Variants in TMEM204 observed in about 807,000 individuals in gnomAD.
The protein encoded by TMEM204 is transmembrane protein 204.
Under a neutral mutation model 19.4 loss-of-function variants are expected in TMEM204, and 15 were observed. The observed-to-expected ratio is 0.77, with a 90% CI of 0.52 to 1.19. TMEM204 has a LOEUF of 1.19. Ranked by LOEUF, TMEM204 falls within the 50% of genes most tolerant of loss-of-function variation. The pLI is 0.00. For missense variants in TMEM204, 287 were observed against 321.2 expected, an observed-to-expected ratio of 0.89 and a Z score of 0.81; for synonymous variants, 161 against 146.0, an observed-to-expected ratio of 1.10 and a Z score of -0.74.
chr16:1,532,993 C>G (rs1054560311), upstream of TMEM204: 2 of 152,526 alleles, frequency 1.3e-5, no homozygotes, highest in East Asian at 3.8e-4. Flanking sequence ...GAGAGCCCCA[C>G]CCAGCACATC....
chr16:1,541,480 C>T lies in TMEM204; in HGVS notation c.281-441C>T, dbSNP rs910007270. 2.0e-5 allele frequency: 20 copies of T among 985,296 alleles called. No homozygotes were observed. In the South Asian group the frequency reaches 6.1e-4, roughly 30 times the overall value. The allele number at this position is 985,296 out of a possible 1,614,324, so 61.0% of individuals were successfully genotyped here. A position where few individuals can be genotyped will look rare whatever the true frequency, so the allele number is the denominator to read the frequency against. On this transcript the variant is annotated intron_variant, in intron 1 of 2. Transcript: ENST00000566264. ...CAGCACGCCTGAGGAGCTGGCCCCCCGCGGAGTCTCCGGTCAGGCAGCGCC... is the reference window on the plus strand; with the variant it reads ...CAGCACGCCTGAGGAGCTGGCCCCCTGCGGAGTCTCCGGTCAGGCAGCGCC...
At chr16:1,529,561 C>T (rs1222370181), upstream of TMEM204, among the ~76,000 whole-genome samples, 1 of 152,216 alleles carries the variant, frequency 6.6e-6, no homozygotes, top group Non-Finnish European at 1.5e-5. Flanking sequence ...ACTCTTGCCA[C>T]CAACTCAGCA....
chr16:1,548,719 C>T (rs145629086), intron 2 of TMEM204, among the ~76,000 whole-genome samples: 1 of 152,184 alleles, frequency 6.6e-6, no homozygotes, highest in Non-Finnish European at 1.5e-5. Flanking sequence ...CCATCTCCCC[C>T]ACGTAGGGAA....
Position 1,554,635 on chromosome 16 carries a change from G to A in TMEM204, c.437-147G>A, listed in dbSNP as rs1647208529. On this transcript the variant is annotated intron_variant, in intron 2 of 2. Coordinates refer to ENST00000566264, the MANE Select transcript of TMEM204 (RefSeq NM_024600.6). ...CGCTCTAGGACAGAGGGCTGGGGAA[G>A]GATAAAGCAGGCTGGAACCCGCTCT... 8 of 1,245,096 alleles carry A rather than the reference G, an allele frequency of 6.4e-6. No homozygotes were observed. The Admixed American group carries it at 1.8e-4, about 29-fold the overall frequency. The allele number at this position is 1,245,096 out of a possible 1,614,324, so 77.1% of individuals were successfully genotyped here.
In TMEM204 at chr16:1,553,296, CTCTCTGTG is replaced by C. The variant is rs1462056763; in HGVS notation, c.437-1478_437-1471del. 1 of 983,444 alleles carries C rather than the reference CTCTCTGTG, an allele frequency of 1.0e-6. No individual in the cohort carries two copies. Among genetic ancestry groups the C allele is most frequent in the Non-Finnish European group, 1.2e-6 (1 of 828,358 alleles). The allele number at this position is 983,444 out of a possible 1,614,324, so 60.9% of individuals were successfully genotyped here. A position where few individuals can be genotyped will look rare whatever the true frequency, so the allele number is the denominator to read the frequency against. ...TCTGTCTCTCTGTGTCTCTGCCTGT[CTCTCTGTG>C]TCTCTGTCTCTGTGTCTCTGTCCCT... On this transcript the variant is annotated intron_variant, in intron 2 of 2. Transcript: ENST00000566264. This position sits in a 1 kb window ranked among gnomAD's most constrained non-coding sequence, Gnocchi z 4.4.
chr16:1,541,287 G>T, intron 1 of TMEM204: 2 of 985,042 alleles, frequency 2.0e-6, no homozygotes, highest in Non-Finnish European at 2.4e-6. Context: ...GGTGAGGGGG[G>T]CAGGTGGGGG....
intron 2 of TMEM204, among the ~76,000 whole-genome samples, chr16:1,548,368 GC>G (rs1426339726): frequency 6.6e-6 from 1 of 152,216 alleles, no homozygotes; most frequent in African/African-American, 2.4e-5. Flanking sequence ...AGAAGCTGAA[GC>G]CCCAAGAAGC....
chr16:1,534,663 T>G, intron 1 of TMEM204, 108 bp downstream of exon 1: 1 of 1,514,580 alleles, frequency 6.6e-7, no homozygotes, highest in Non-Finnish European at 9.0e-7. Flanking sequence ...TGGCCCCTGC[T>G]CTGCCCTGAG....
upstream of TMEM204, chr16:1,531,647 A>C (rs1204850831): frequency 1.3e-5 from 2 of 151,750 alleles, no homozygotes; most frequent in Non-Finnish European, 2.9e-5. This position sits in a 1 kb window ranked among gnomAD's most constrained non-coding sequence, Gnocchi z 4.7. Flanking sequence ...CTCTTAACTT[A>C]CATGCTGCTC....
chr16:1,552,335 C>T (rs1389899617), intron 2 of TMEM204, among the ~76,000 whole-genome samples: 4 of 152,046 alleles, frequency 2.6e-5, no homozygotes, highest in East Asian at 1.9e-4. Context: ...CTGCCAAGAG[C>T]GCCCCACCCC....
At chr16:1,541,330 C>T (rs1043215900) in intron 1 of TMEM204, 3 of 985,302 alleles carry the variant, frequency 3.0e-6, no homozygotes, top group East Asian at 1.1e-4. Context: ...GACCCCTGCT[C>T]AGCCCCTTGC....
In TMEM204 at chr16:1,551,348, C is replaced by G. The variant is rs375723031; in HGVS notation, c.437-3434C>G. Among the ~76,000 whole-genome samples the G allele has an allele frequency of 1.5e-3, 228 of 152,190 alleles. No individual in the cohort carries two copies. Among genetic ancestry groups the G allele is most frequent in the African/African-American group, 5.1e-3 (213 of 41,532 alleles). On this transcript the variant is annotated intron_variant, in intron 2 of 2. Transcript: ENST00000566264. The surrounding 1 kb of genome is among the most constrained non-coding windows in gnomAD (Gnocchi z 4.0). ...GGATCAGCAGCAGGAGGGGCCCCTC[C>G]TCCCCAGGGCCAGTCAAGCCGGGGA...
In TMEM204 at chr16:1,553,434, C is replaced by T. The variant is rs1427440186; in HGVS notation, c.437-1348C>T. 2.1e-5 allele frequency: 21 copies of T among 985,240 alleles called. No homozygotes were observed. The highest frequency in any genetic ancestry group is 3.5e-5 in the African/African-American group (2 of 57,216). The allele number at this position is 985,240 out of a possible 1,614,324, so 61.0% of individuals were successfully genotyped here. A position where few individuals can be genotyped will look rare whatever the true frequency, so the allele number is the denominator to read the frequency against. On this transcript the variant is annotated intron_variant, in intron 2 of 2. Coordinates refer to ENST00000566264, the MANE Select transcript of TMEM204 (RefSeq NM_024600.6). The surrounding 1 kb of genome is among the most constrained non-coding windows in gnomAD (Gnocchi z 4.4). ...GGGAGGCGGTTGGGAGTGGAGAGACCGGCATGAACAGACGCACAGGTGTCA... is the reference window on the plus strand; with the variant it reads ...GGGAGGCGGTTGGGAGTGGAGAGACTGGCATGAACAGACGCACAGGTGTCA...
upstream of TMEM204, among the ~76,000 whole-genome samples, chr16:1,529,104 G>A (rs2030159746): frequency 1.3e-5 from 2 of 152,184 alleles, no homozygotes; most frequent in South Asian, 2.1e-4. Context: ...CCAGGTGCCC[G>A]CTCCCGAAAG....
At chr16:1,541,125 A>G in intron 1 of TMEM204, 2 of 985,432 alleles carry the variant, frequency 2.0e-6, no homozygotes, top group Non-Finnish European at 2.4e-6. Context: ...CTGACCACGC[A>G]TCCATGTGCC....
chr16:1,531,278 A>G (rs1384234822), upstream of TMEM204: 2 of 152,212 alleles, frequency 1.3e-5, no homozygotes, highest in Non-Finnish European at 2.9e-5. The surrounding 1 kb of genome is among the most constrained non-coding windows in gnomAD (Gnocchi z 4.7). Flanking sequence ...GAGGCACTGG[A>G]ACAAGAAGCA....
upstream of TMEM204, among the ~76,000 whole-genome samples, chr16:1,530,133 CTT>C (rs922819138): frequency 7.9e-3 from 695 of 88,482 alleles, no homozygotes; most frequent in Middle Eastern, 0.039. Context: ...CGACGGGAAT[CTT>C]TTTTTTTTTT....
At chr16:1,541,503 G>A (rs1180184198) in intron 1 of TMEM204, 48 of 985,272 alleles carry the variant, frequency 4.9e-5, no homozygotes, top group Non-Finnish European at 5.3e-5. Context: ...GTCAGGCAGC[G>A]CCCTCGTCTT....
intron 2 of TMEM204, among the ~76,000 whole-genome samples, chr16:1,543,294 T>C (rs542446901): frequency 1.3e-5 from 2 of 152,386 alleles, no homozygotes; most frequent in East Asian, 3.9e-4. Context: ...CTAGGAATAA[T>C]GATCCTGGGC....
Sources: allele counts gnomAD v4.1 joint callset (sites outside exome capture counted in the v4.1 genomes callset), GRCh38; gene constraint gnomAD v4.1.1; non-coding constraint Gnocchi (gnomAD v3.1); transcripts MANE v1.5; gene names NCBI Gene and HGNC (gene_info 2026-07-23, HGNC 2026-07-21).